SVOPL: variants seen among roughly 807,000 people sequenced by gnomAD.
The protein encoded by SVOPL is SVOP like.
Under a neutral mutation model 61.0 loss-of-function variants are expected in SVOPL, and 60 were observed. The ratio of observed to expected loss-of-function variants is 0.98; its 90% confidence interval spans 0.80 to 1.22. The LOEUF is 1.22. Among genes scored for constraint, SVOPL ranks in the 50% most tolerant of loss-of-function variants. SVOPL has a pLI of 0.00. For synonymous variants in SVOPL, 279 were observed against 250.0 expected (o/e 1.12, Z -1.09); for missense variants, 662 against 643.9 (o/e 1.03, Z -0.30).
chr7:138,619,564 A>T (rs1432669117), intron 14 of SVOPL, among the ~76,000 whole-genome samples: 3 of 125,724 alleles, frequency 2.4e-5, no homozygotes, highest in South Asian at 4.8e-4. Flanking sequence ...CAGATGTTAA[A>T]AAAAAAAAAA....
At chr7:138,636,895 G>A (rs2116956282) in intron 9 of SVOPL, among the ~76,000 whole-genome samples, 1 of 152,060 alleles carries the variant, frequency 6.6e-6, no homozygotes, top group Middle Eastern at 3.4e-3. Context: ...GGAAAATTCT[G>A]AAAAAGATGT....
chr7:138,648,986 G>A (rs1386343162), intron 8 of SVOPL, 26 bp downstream of exon 8: 1 of 1,613,330 alleles, frequency 6.2e-7, no homozygotes, highest in Non-Finnish European at 8.5e-7. Flanking sequence ...GGAGGGGACA[G>A]GAAGGAGCCA....
rs1039738015 is a variant in SVOPL at position 138,689,128 on chromosome 7, A to T, written c.-34-10049T>A. On this transcript the variant is annotated intron_variant, in intron 1 of 15. Transcript: ENST00000674285. ...TGAAAAGCCACGAAGTATCTGAAAG[A>T]TGTCACTTTACAGAAATAGTGCGTA... 4.8e-6 allele frequency: 4 copies of T among 841,908 alleles called. No individual in the cohort carries two copies. The African/African-American group carries it at 6.7e-5, about 14-fold the overall frequency. 52.2% of individuals were successfully genotyped at this position (841,908 alleles called of 1,614,324 possible).
At chr7:138,675,195 GT>G (rs1484409187) in intron 3 of SVOPL, among the ~76,000 whole-genome samples, 3 of 150,132 alleles carry the variant, frequency 2.0e-5, no homozygotes, top group Non-Finnish European at 4.4e-5. Flanking sequence ...GAGCTGAGGA[GT>G]TTGAGACCAG....
At chr7:138,625,938 C>T (rs1432410617) in intron 13 of SVOPL, 31 bp downstream of exon 13, 1 of 1,610,786 alleles carries the variant, frequency 6.2e-7, no homozygotes. Flanking sequence ...CTTACACACC[C>T]TTTGTAAGCA....
At chr7:138,598,162 A>C (rs1798359014) in intron 14 of SVOPL, among the ~76,000 whole-genome samples, 1 of 152,126 alleles carries the variant, frequency 6.6e-6, no homozygotes, top group Non-Finnish European at 1.5e-5. Flanking sequence ...TTTGGAGACC[A>C]CTCCAGATTT....
chr7:138,687,427 G>A (rs1188888609), intron 1 of SVOPL, among the ~76,000 whole-genome samples: 1 of 151,250 alleles, frequency 6.6e-6, no homozygotes, highest in Non-Finnish European at 1.5e-5. Context: ...GTGGAGATGG[G>A]GTTTTGCCAT....
chr7:138,649,997 A>C (rs1159055107), intron 7 of SVOPL, among the ~76,000 whole-genome samples: 1 of 151,688 alleles, frequency 6.6e-6, no homozygotes, highest in Admixed American at 6.6e-5. Flanking sequence ...ACACCCAGCT[A>C]ATTTTTGTGT....
rs368396012 is a variant in SVOPL at position 138,700,288 on chromosome 7, T to A, written c.-35+890A>T. ...TTGCAATCTTAACTCAGCAATGGAA[T>A]GCTGGAAAGGCTGAATTGACATACT... On this transcript the variant is annotated intron_variant, in intron 1 of 15. Transcript: ENST00000674285. Among the ~76,000 whole-genome samples the A allele has an allele frequency of 4.2e-3, 631 of 151,028 alleles. 7 individuals carry two copies. The highest frequency in any genetic ancestry group is 0.015 in the African/African-American group (611 of 41,266).
At position 138,649,143 on chromosome 7, in the gene SVOPL, A is replaced by G. The variant is rs776311917; in HGVS notation, c.535-6T>C. The G allele has an allele frequency of 1.2e-6, 2 of 1,607,698 alleles. No homozygotes were observed. Among genetic ancestry groups the G allele is most frequent in the Admixed American group, 1.7e-5 (1 of 58,424 alleles). On this transcript the variant is annotated splice_polypyrimidine_tract_variant and splice_region_variant and intron_variant, in intron 7 of 15. Transcript: ENST00000674285. ...GAGCCCGCAAGCCAGAACACCTAGG[A>G]AGAGAGAAGTCCAGGATTAAAGTTC...
intron 14 of SVOPL, among the ~76,000 whole-genome samples, chr7:138,608,752 T>C (rs554908915): frequency 1.3e-5 from 2 of 152,282 alleles, no homozygotes; most frequent in East Asian, 3.9e-4. Flanking sequence ...AAGAGGTGTG[T>C]GTTTTTTATA....
At chr7:138,611,991 G>A (rs1214497421) in intron 14 of SVOPL, among the ~76,000 whole-genome samples, 6 of 27,496 alleles carry the variant, frequency 2.2e-4, no homozygotes, top group Admixed American at 6.7e-4. Context: ...AAATCGGATG[G>A]TTGCCGGGTC....
rs202159228 is a variant in SVOPL at position 138,621,113 on chromosome 7, G to C, written c.1286C>G (p.Ala429Gly). ...GGAGCCGCTGGTTCCCATCCCCAAA[G>C]CGCGCATCGTGGTGGGGTAGACCTG... ...TAEVYPTTMR[A>G]LGMGTSGSLC... The change falls in exon 14 of 16, where the codon GCT becomes GGT. Residue 429 changes from alanine to glycine, a missense_variant. By Grantham distance (60) the Ala-to-Gly change is moderately conservative. Coordinates refer to ENST00000674285, the MANE Select transcript of SVOPL (RefSeq NM_001139456.2). 23 of 1,613,732 alleles carry C rather than the reference G, an allele frequency of 1.4e-5. No homozygotes were observed. Among genetic ancestry groups the C allele is most frequent in the Non-Finnish European group, 8.5e-7 (1 of 1,179,840 alleles).
intron 4 of SVOPL, chr7:138,664,149 T>G: frequency 2.2e-6 from 2 of 924,460 alleles, no homozygotes; most frequent in Non-Finnish European, 2.6e-6. Context: ...CCCCCAACGA[T>G]CCTCAGTGGT....
intron 14 of SVOPL, among the ~76,000 whole-genome samples, chr7:138,600,834 G>A (rs1328308982): frequency 6.6e-6 from 1 of 152,124 alleles, no homozygotes; most frequent in Non-Finnish European, 1.5e-5. Context: ...GCTTTGGCGA[G>A]AATGTAGAGA....
At position 138,628,325 on chromosome 7, in the gene SVOPL, G is replaced by T. The variant is rs1799991358; in HGVS notation, c.902C>A (p.Ala301Asp). 6.2e-6 allele frequency: 10 copies of T among 1,614,134 alleles called. No homozygotes were observed. Among genetic ancestry groups the T allele is most frequent in the Non-Finnish European group, 8.5e-6 (10 of 1,180,050 alleles). The change falls in exon 11 of 16, where the codon GCC becomes GAC. Residue 301 changes from alanine (A) to aspartate (D), a missense_variant. Coordinates refer to ENST00000674285, the MANE Select transcript of SVOPL (RefSeq NM_001139456.2). Reference protein sequence around the residue: ...ISFAYYGVILASAELLERDLV... With the variant: ...ISFAYYGVILDSAELLERDLV... ...GTCCCGCTCCAGCAGCTCAGCACTG[G>T]CCAGGATAACCCCATAGTAGGCAAA...
At chr7:138,689,211 T>C in intron 1 of SVOPL, 7 of 1,369,566 alleles carry the variant, frequency 5.1e-6, no homozygotes, top group Non-Finnish European at 7.3e-6. Flanking sequence ...GCAGTGGGGC[T>C]GGACACAAGG....
At chr7:138,634,725 G>T (rs1480880932) in intron 9 of SVOPL, among the ~76,000 whole-genome samples, 3 of 152,074 alleles carry the variant, frequency 2.0e-5, no homozygotes, top group Non-Finnish European at 4.4e-5. Flanking sequence ...CTACTTTGGA[G>T]GCTGAGATGG....
chr7:138,660,275 C>G, intron 5 of SVOPL: 1 of 1,134,650 alleles, frequency 8.8e-7, no homozygotes, highest in Non-Finnish European at 1.1e-6. Context: ...AAGGCAAAAA[C>G]GTGTCCTCCC....
Sources: gnomAD v4.1 joint callset for allele counts (sites outside exome capture counted in the v4.1 genomes callset) on GRCh38, gnomAD v4.1.1 for gene constraint, MANE v1.5 for transcripts, NCBI Gene and HGNC (gene_info 2026-07-23, HGNC 2026-07-21) for gene names.